Variants in PLAAT1 observed in about 807,000 individuals in gnomAD.
PLAAT1 encodes H-REV107 protein-related protein.
PLAAT1 carries 13 observed loss-of-function variants against 16.4 expected under a neutral mutation model. The observed-to-expected ratio is 0.79, with a 90% CI of 0.52 to 1.26. The LOEUF is 1.26. Among genes scored for constraint, PLAAT1 ranks in the 50% most tolerant of loss-of-function variants. PLAAT1 has a pLI of 0.00. For missense variants in PLAAT1, 218 were observed against 207.8 expected (o/e 1.05, Z -0.30); for synonymous variants, 73 against 78.4 (o/e 0.93, Z 0.36).
At chr3:193,252,345 A>G (rs1716223192) in intron 1 of PLAAT1, among the ~76,000 whole-genome samples, 1 of 152,198 alleles carries the variant, frequency 6.6e-6, no homozygotes, top group African/African-American at 2.4e-5. Context: ...TTACATTTCA[A>G]CATGATATTT....
At chr3:193,264,748 C>T (rs2108799470) in intron 3 of PLAAT1, among the ~76,000 whole-genome samples, 1 of 152,268 alleles carries the variant, frequency 6.6e-6, no homozygotes, top group Admixed American at 6.5e-5. Flanking sequence ...CTCCTGACCT[C>T]GTGATCCACC....
downstream of PLAAT1, chr3:193,281,071 G>A (rs1717472806): frequency 2.5e-6 from 1 of 400,644 alleles, no homozygotes; most frequent in South Asian, 1.0e-4. Context: ...AGAAGTGCTT[G>A]GGAAGGGTAT....
downstream of PLAAT1, among the ~76,000 whole-genome samples, chr3:193,274,152 G>A (rs1306160461): frequency 6.6e-6 from 1 of 151,978 alleles, no homozygotes; most frequent in Non-Finnish European, 1.5e-5. Flanking sequence ...CTGAGGCAGG[G>A]GAATTGCTTG....
intron 3 of PLAAT1, 79 bp downstream of exon 3, chr3:193,263,314 C>A: frequency 2.2e-6 from 3 of 1,374,108 alleles, no homozygotes; most frequent in South Asian, 1.4e-5. Context: ...GGCCTCAAAC[C>A]AAATGAAAAG....
chr3:193,271,596 A>G (rs1716982348), downstream of PLAAT1, among the ~76,000 whole-genome samples: 1 of 152,176 alleles, frequency 6.6e-6, no homozygotes, highest in Non-Finnish European at 1.5e-5. Context: ...AGGTGGAGAA[A>G]GGGGGAGTGC....
At chr3:193,275,263 T>G (rs527714040), downstream of PLAAT1, 2 of 1,614,044 alleles carry the variant, frequency 1.2e-6, no homozygotes, top group Admixed American at 3.3e-5. Flanking sequence ...AATTCTCTTT[T>G]GATCAACAGC....
downstream of PLAAT1, among the ~76,000 whole-genome samples, chr3:193,273,006 C>T (rs538348071): frequency 6.6e-6 from 1 of 152,254 alleles, no homozygotes. Flanking sequence ...TGGAGTTCAA[C>T]TTTATCACAT....
intron 1 of PLAAT1, among the ~76,000 whole-genome samples, chr3:193,254,718 C>T (rs1479499882): frequency 6.6e-6 from 1 of 152,124 alleles, no homozygotes; most frequent in Admixed American, 6.5e-5. Context: ...TGTTGACCAC[C>T]TAGCATGGCT....
At chr3:193,259,308 A>T (rs972037002) in intron 2 of PLAAT1, among the ~76,000 whole-genome samples, 23 of 152,208 alleles carry the variant, frequency 1.5e-4, no homozygotes, top group Non-Finnish European at 1.0e-4. Context: ...TCCCCTTCAG[A>T]ACTGAAGCAA....
chr3:193,248,288 G>C (rs1030012889), intron 1 of PLAAT1, among the ~76,000 whole-genome samples: 1 of 151,784 alleles, frequency 6.6e-6, no homozygotes, highest in Non-Finnish European at 1.5e-5. Flanking sequence ...CAGCTTATAT[G>C]TGTTCTTAAA....
intron 1 of PLAAT1, among the ~76,000 whole-genome samples, chr3:193,249,471 T>C (rs1457400661): frequency 6.6e-6 from 1 of 152,186 alleles, no homozygotes; most frequent in Non-Finnish European, 1.5e-5. Context: ...TCAATGTCAT[T>C]TCATTATGTT....
chr3:193,241,873 T>A (rs893909086), intron 1 of PLAAT1, among the ~76,000 whole-genome samples: 2 of 152,218 alleles, frequency 1.3e-5, no homozygotes, highest in Non-Finnish European at 2.9e-5. Context: ...CATGCGAGAC[T>A]ATTAATATGA....
chr3:193,261,072 CAAA>C (rs1187239453), intron 2 of PLAAT1, among the ~76,000 whole-genome samples: 1 of 152,054 alleles, frequency 6.6e-6, no homozygotes, highest in Non-Finnish European at 1.5e-5. Flanking sequence ...AATTTATTAA[CAAA>C]AAGTGTATGC....
intron 1 of PLAAT1, among the ~76,000 whole-genome samples, chr3:193,253,707 C>G (rs1404723605): frequency 6.6e-6 from 1 of 152,106 alleles, no homozygotes; most frequent in Non-Finnish European, 1.5e-5. Context: ...GAAGAGCTCA[C>G]ATCAGTAACA....
intron 1 of PLAAT1, among the ~76,000 whole-genome samples, chr3:193,252,510 TTTTCA>T (rs1577302195): frequency 6.6e-6 from 1 of 152,314 alleles, no homozygotes; most frequent in Non-Finnish European, 1.5e-5. Context: ...GTAGTCTGTC[TTTTCA>T]TCTTAACAGG....
chr3:193,248,843 T>C (rs1716080166), intron 1 of PLAAT1, among the ~76,000 whole-genome samples: 1 of 152,158 alleles, frequency 6.6e-6, no homozygotes, highest in South Asian at 2.1e-4. Context: ...ATTTTCATAC[T>C]ACAATTACAG....
At chr3:193,268,042 CTATTG>C (rs1315883253) in intron 3 of PLAAT1, among the ~76,000 whole-genome samples, 3 of 152,044 alleles carry the variant, frequency 2.0e-5, no homozygotes, top group African/African-American at 7.2e-5. Context: ...GTTCATTTTC[CTATTG>C]TTGAATTTCA....
downstream of PLAAT1, among the ~76,000 whole-genome samples, chr3:193,271,008 C>T (rs1240394734): frequency 6.6e-6 from 1 of 152,124 alleles, no homozygotes; most frequent in Non-Finnish European, 1.5e-5. Context: ...TTTCCTTTTC[C>T]CCAAGGGTGG....
intron 1 of PLAAT1, 101 bp from the exon 2 acceptor site, chr3:193,255,550 T>C: frequency 8.6e-7 from 1 of 1,168,980 alleles, no homozygotes; most frequent in Non-Finnish European, 1.2e-6. Flanking sequence ...TAGAATGCAG[T>C]CTCAATAAAT....
Sources: gnomAD v4.1 joint callset for allele counts (sites outside exome capture counted in the v4.1 genomes callset) on GRCh38, gnomAD v4.1.1 for gene constraint, MANE v1.5 for transcripts, NCBI Gene and HGNC (gene_info 2026-07-23, HGNC 2026-07-21) for gene names.